SLC22A3: variants seen among roughly 807,000 people sequenced by gnomAD.
SLC22A3 encodes the protein EMT organic cation transporter 3.
SLC22A3 carries 51 observed loss-of-function variants against 59.1 expected under a neutral mutation model. The observed-to-expected ratio is 0.86, with a 90% CI of 0.69 to 1.09. The LOEUF (loss-of-function observed/expected upper bound fraction) is 1.09, where lower values mean the gene tolerates loss of function less well. Among genes scored for constraint, SLC22A3 ranks in the 50% least tolerant of loss-of-function variants. The probability of loss-of-function intolerance (pLI) is 0.00; values close to 1 mark genes in which losing one functional copy is unlikely to be tolerated. For missense variants in SLC22A3, 711 were observed against 726.3 expected (o/e 0.98, Z 0.24); for synonymous variants, 325 against 292.0 (o/e 1.11, Z -1.15).
At chr6:160,405,119 A>G (rs1419908500) in intron 2 of SLC22A3, among the ~76,000 whole-genome samples, 1 of 152,110 alleles carries the variant, frequency 6.6e-6, no homozygotes, top group African/African-American at 2.4e-5. Context: ...AAATGACAAG[A>G]CACAGACTGG....
chr6:160,352,708 C>A (rs907330348), intron 1 of SLC22A3, among the ~76,000 whole-genome samples: 3 of 152,176 alleles, frequency 2.0e-5, no homozygotes, highest in African/African-American at 7.2e-5. Context: ...GTGTGTCTTT[C>A]CCATACTTTC....
intron 1 of SLC22A3, among the ~76,000 whole-genome samples, chr6:160,353,286 A>G (rs572069630): frequency 6.4e-4 from 97 of 152,254 alleles, no homozygotes; most frequent in Non-Finnish European, 1.3e-3. Flanking sequence ...AGAATGTGCA[A>G]GAGTATCTCC....
At chr6:160,420,208 T>C (rs749007668) in intron 5 of SLC22A3, among the ~76,000 whole-genome samples, 11 of 152,178 alleles carry the variant, frequency 7.2e-5, no homozygotes, top group Non-Finnish European at 1.3e-4. Context: ...ACACCTTTAA[T>C]TGAAATGGAA....
intron 1 of SLC22A3, among the ~76,000 whole-genome samples, chr6:160,379,751 C>A (rs1785727739): frequency 6.6e-6 from 1 of 152,166 alleles, no homozygotes; most frequent in Admixed American, 6.5e-5. Context: ...TCATTTCTTA[C>A]CTGTGCTCAC....
rs560565204 is a variant in SLC22A3, at chr6:160,409,591, C to T, written c.857+670C>T. Among the ~76,000 whole-genome samples the T allele has an allele frequency of 3.3e-3, 496 of 151,768 alleles. 3 individuals carry two copies. The highest frequency in any genetic ancestry group is 0.011 in the African/African-American group (471 of 41,332). ...TTCTAGTTCTAGATCCCTGAGGAAT[C>T]GCCACACTGACTTCCACAATGGTTG... On this transcript the variant is annotated intron_variant, in intron 4 of 10. Transcript: ENST00000275300.
At chr6:160,426,047 A>G (rs1787939356) in intron 5 of SLC22A3, 1 of 985,332 alleles carries the variant, frequency 1.0e-6, no homozygotes, top group Admixed American at 6.1e-5. Flanking sequence ...CCATGTGCAG[A>G]AAATATTCTG....
rs187126543 is a variant in SLC22A3 at position 160,411,279 on chromosome 6, G to T, written c.975+433G>T. Among the ~76,000 whole-genome samples, 561 of 151,800 alleles carry T rather than the reference G, an allele frequency of 3.7e-3. 3 individuals are homozygous for T. Among genetic ancestry groups the T allele is most frequent in the Non-Finnish European group, 5.9e-3 (400 of 67,938 alleles). The stretch of plus-strand genomic sequence containing the variant: ...CTTTTAATTTAAATCTTTAAGTTTG[G>T]CCCTGAAAAAAAATCTGTTTATTCA... On this transcript the variant is annotated intron_variant, in intron 5 of 10. Transcript: ENST00000275300.
At position 160,451,064 on chromosome 6, in the gene SLC22A3, G is replaced by C; in HGVS notation, c.*8G>C. On this transcript the variant is annotated 3_prime_UTR_variant, in exon 11 of 11. Transcript: ENST00000275300. ...TCCCGCTCTCACCTTTGAGGCCCCC[G>C]ACAAAGACAGAAAGAAGGAGCTATC... The C allele has an allele frequency of 6.3e-7, 1 of 1,586,678 alleles. No individual in the cohort carries two copies. The highest frequency in any genetic ancestry group is 1.2e-5 in the South Asian group (1 of 86,864).
intron 2 of SLC22A3, among the ~76,000 whole-genome samples, chr6:160,404,611 A>C (rs6930002): frequency 0.02 from 2,987 of 152,220 alleles, 91 homozygotes; most frequent in Middle Eastern, 0.11. Context: ...TTATATGTAG[A>C]GACAAAAGAC....
intron 10 of SLC22A3, among the ~76,000 whole-genome samples, chr6:160,448,462 TAC>T (rs1446214287): frequency 2.0e-5 from 3 of 151,834 alleles, no homozygotes; most frequent in Non-Finnish European, 4.4e-5. Context: ...GATAGATAGA[TAC>T]AGATAGATAA....
intron 5 of SLC22A3, among the ~76,000 whole-genome samples, chr6:160,412,463 A>T (rs1787296766): frequency 1.3e-5 from 2 of 152,132 alleles, no homozygotes; most frequent in African/African-American, 4.8e-5. Context: ...CTCTTATATT[A>T]AGTGGCAAGC....
intron 8 of SLC22A3, 87 bp from the exon 9 acceptor site, chr6:160,443,543 T>C (rs148811075): frequency 1.9e-5 from 17 of 889,352 alleles, no homozygotes; most frequent in Non-Finnish European, 2.9e-5. Context: ...ACACTTCCTT[T>C]GGTTTTTTAA....
intron 5 of SLC22A3, among the ~76,000 whole-genome samples, chr6:160,433,001 T>C (rs1788209737): frequency 6.6e-6 from 1 of 152,210 alleles, no homozygotes; most frequent in African/African-American, 2.4e-5. Context: ...GTCAGCAAAC[T>C]ACAGCTTGCA....
chr6:160,416,200 G>C (rs1164658723), intron 5 of SLC22A3, among the ~76,000 whole-genome samples: 1 of 152,164 alleles, frequency 6.6e-6, no homozygotes, highest in Admixed American at 6.5e-5. Context: ...AGAAATACAG[G>C]TGATCAGAGT....
chr6:160,448,597 A>C (rs939172251), intron 10 of SLC22A3, among the ~76,000 whole-genome samples: 1 of 152,170 alleles, frequency 6.6e-6, no homozygotes, highest in Non-Finnish European at 1.5e-5. Context: ...GGGGTGTTTA[A>C]ATAGGGTATA....
At chr6:160,360,643 T>C (rs1446820390) in intron 1 of SLC22A3, among the ~76,000 whole-genome samples, 1 of 152,192 alleles carries the variant, frequency 6.6e-6, no homozygotes, top group Non-Finnish European at 1.5e-5. Flanking sequence ...CGGAAAGCAT[T>C]ATCCAAGAAA....
intron 5 of SLC22A3, among the ~76,000 whole-genome samples, chr6:160,428,495 G>C (rs1788043336): frequency 6.6e-6 from 1 of 152,168 alleles, no homozygotes; most frequent in African/African-American, 2.4e-5. Context: ...CTGTACAATG[G>C]ATTTCAAAGA....
At chr6:160,364,571 T>C (rs546189260) in intron 1 of SLC22A3, among the ~76,000 whole-genome samples, 1 of 152,236 alleles carries the variant, frequency 6.6e-6, no homozygotes, top group African/African-American at 2.4e-5. Context: ...CGTTTCTCAG[T>C]AAGGCACAGT....
At position 160,437,081 on chromosome 6, in the gene SLC22A3, G is replaced by A. The variant is rs781166770; in HGVS notation, c.1158G>A (p.Ser386=). 2.3e-5 allele frequency: 37 copies of A among 1,613,974 alleles called. No individual in the cohort carries two copies. The highest frequency in any genetic ancestry group is 4.5e-5 in the East Asian group (2 of 44,892). The part of the protein sequence containing the change: ...GGNLYIDFFI[S]GVVELPGALL... Reference sequence around the variant, plus strand: ...ACCTCTATATAGACTTTTTCATCTCGGGCGTGGTGGAACTGCCAGGAGCTC... The same window carrying A: ...ACCTCTATATAGACTTTTTCATCTCAGGCGTGGTGGAACTGCCAGGAGCTC... The change falls in exon 7 of 11, where the codon TCG becomes TCA. Residue 386 remains serine, a synonymous_variant. Transcript: ENST00000275300.
Sources: gnomAD v4.1 joint callset for allele counts (sites outside exome capture counted in the v4.1 genomes callset) on GRCh38, gnomAD v4.1.1 for gene constraint, MANE v1.5 for transcripts, NCBI Gene and HGNC (gene_info 2026-07-23, HGNC 2026-07-21) for gene names.